Variants in FHIP1A observed in about 807,000 individuals in gnomAD.
FHIP1A encodes FHF complex subunit HOOK interacting protein 1A.
A neutral mutation model predicts 88.6 loss-of-function variants in FHIP1A; 61 were observed. The observed-to-expected ratio is 0.69, with a 90% CI of 0.56 to 0.85. The LOEUF (loss-of-function observed/expected upper bound fraction) is 0.85, where lower values mean the gene tolerates loss of function less well. Ranked by LOEUF, FHIP1A falls within the 40% of genes least tolerant of loss-of-function variation. The pLI is 0.00. For synonymous variants in FHIP1A, 478 were observed against 496.0 expected (o/e 0.96, Z 0.48); for missense variants, 1,154 against 1,273.5 (o/e 0.91, Z 1.43).
chr4:151,551,315 C>A (rs1375525410), intron 3 of FHIP1A, among the ~76,000 whole-genome samples: 1 of 152,092 alleles, frequency 6.6e-6, no homozygotes, highest in Non-Finnish European at 1.5e-5. Context: ...ACTTTCTTCA[C>A]AGAATAGGAA....
At chr4:151,567,346 A>AT (rs1485286165) in intron 4 of FHIP1A, among the ~76,000 whole-genome samples, 1 of 152,042 alleles carries the variant, frequency 6.6e-6, no homozygotes, top group Non-Finnish European at 1.5e-5. Context: ...AATCACAGCA[A>AT]TTATAGGGGA....
At chr4:151,487,151 G>T (rs562470512) in intron 3 of FHIP1A, among the ~76,000 whole-genome samples, 1 of 152,100 alleles carries the variant, frequency 6.6e-6, no homozygotes, top group East Asian at 1.9e-4. Context: ...ACTTTTTATT[G>T]AGATGTATCT....
intron 2 of FHIP1A, among the ~76,000 whole-genome samples, chr4:151,472,230 A>AT (rs1729541113): frequency 6.6e-6 from 1 of 152,170 alleles, no homozygotes; most frequent in Non-Finnish European, 1.5e-5. Flanking sequence ...CTGATTTCAA[A>AT]ATAGCTTTGC....
Position 151,649,635 on chromosome 4 carries a change from C to A in FHIP1A, c.1594C>A (p.Pro532Thr), listed in dbSNP as rs190685739. The change falls in exon 11 of 14, where the codon CCT becomes ACT. Residue 532 changes from proline (P) to threonine (T), a missense_variant. Physicochemically the swap from Pro to Thr is conservative, Grantham distance 38 (BLOSUM62 -1). Transcript: ENST00000435205. ...SALYDGDSPD[P>T]EMFLQSLTEE... is the part of the protein sequence containing the mutation. ...CCTGTATGATGGCGACTCCCCCGAC[C>A]CTGAGATGTTTCTCCAGAGTCTGAC... The A allele has an allele frequency of 1.8e-4, 274 of 1,551,688 alleles. No homozygotes were observed. Among genetic ancestry groups the A allele is most frequent in the Admixed American group, 5.9e-4 (30 of 51,008 alleles).
At chr4:151,547,047 T>A (rs1004466170) in intron 3 of FHIP1A, among the ~76,000 whole-genome samples, 1 of 152,156 alleles carries the variant, frequency 6.6e-6, no homozygotes, top group African/African-American at 2.4e-5. Context: ...AGGTTGGCAA[T>A]TCTGATTAGA....
intron 6 of FHIP1A, among the ~76,000 whole-genome samples, chr4:151,587,175 C>T (rs1203670318): frequency 6.6e-6 from 1 of 152,130 alleles, no homozygotes; most frequent in Admixed American, 6.6e-5. Context: ...AAGGAGAACA[C>T]TTTATTTTGC....
At chr4:151,543,038 T>G (rs575135045) in intron 3 of FHIP1A, among the ~76,000 whole-genome samples, 1 of 152,234 alleles carries the variant, frequency 6.6e-6, no homozygotes, top group Admixed American at 6.5e-5. Flanking sequence ...TTAGCACTTA[T>G]GTATTGCTAC....
At chr4:151,631,376 T>C (rs539700998) in intron 8 of FHIP1A, among the ~76,000 whole-genome samples, 7 of 152,148 alleles carry the variant, frequency 4.6e-5, no homozygotes, top group African/African-American at 1.7e-4. Context: ...TTAGATGAAA[T>C]AGACAAATTC....
intron 3 of FHIP1A, among the ~76,000 whole-genome samples, chr4:151,487,310 CTTCTT>C (rs1730123642): frequency 6.6e-6 from 1 of 152,032 alleles, no homozygotes; most frequent in South Asian, 2.1e-4. Context: ...GAGTCTTCCT[CTTCTT>C]TTCAGTCTTT....
intron 1 of FHIP1A, among the ~76,000 whole-genome samples, chr4:151,422,377 A>AT (rs1196987061): frequency 3.4e-5 from 5 of 145,126 alleles, no homozygotes; most frequent in Admixed American, 2.8e-4. Flanking sequence ...TTGAAAAAAA[A>AT]AAATATATAT....
At chr4:151,490,406 A>G (rs570004370) in intron 3 of FHIP1A, among the ~76,000 whole-genome samples, 1 of 152,312 alleles carries the variant, frequency 6.6e-6, no homozygotes, top group African/African-American at 2.4e-5. Flanking sequence ...CAGAAAGGCA[A>G]TAACAATCAC....
chr4:151,644,166 G>A (rs1478817180), intron 9 of FHIP1A, among the ~76,000 whole-genome samples: 3 of 151,990 alleles, frequency 2.0e-5, no homozygotes, highest in South Asian at 2.1e-4. Flanking sequence ...TGTGTAATCC[G>A]AATTTCTCTA....
intron 10 of FHIP1A, 41 bp from the exon 11 acceptor site, chr4:151,649,418 C>T: frequency 1.4e-6 from 2 of 1,454,896 alleles, no homozygotes; most frequent in Admixed American, 2.1e-5. Context: ...CCTTTGTCCC[C>T]ACACCTCCCT....
chr4:151,420,950 A>G (rs899828247), intron 1 of FHIP1A, among the ~76,000 whole-genome samples: 2 of 152,242 alleles, frequency 1.3e-5, no homozygotes, highest in Non-Finnish European at 2.9e-5. Context: ...GGTTGTTACT[A>G]GAAATGAAAC....
chr4:151,652,058 GC>G (rs1737051064), intron 11 of FHIP1A, among the ~76,000 whole-genome samples: 1 of 152,110 alleles, frequency 6.6e-6, no homozygotes, highest in Non-Finnish European at 1.5e-5. Flanking sequence ...GGACATCTGG[GC>G]TATCCATAGC....
intron 8 of FHIP1A, among the ~76,000 whole-genome samples, chr4:151,630,798 C>A (rs1036300795): frequency 1.3e-5 from 2 of 152,128 alleles, no homozygotes; most frequent in Admixed American, 6.5e-5. Flanking sequence ...GGATTGAAAT[C>A]ATGCAAAGCA....
In FHIP1A at chr4:151,656,713, G is replaced by C. The variant is rs72730116; in HGVS notation, c.2731-47G>C. On this transcript the variant is annotated intron_variant, in intron 12 of 13. Coordinates refer to ENST00000435205, the MANE Select transcript of FHIP1A (RefSeq NM_001109977.3). The surrounding 1 kb of genome is among the most constrained non-coding windows in gnomAD (Gnocchi z 4.2). Reference sequence around the variant, plus strand: ...GCAAGATATATTGATAACTGGGAGTGGAATTTCATGGTGAGGCATTAACAT... The same window carrying C: ...GCAAGATATATTGATAACTGGGAGTCGAATTTCATGGTGAGGCATTAACAT... 0.01 allele frequency: 15,510 copies of C among 1,525,582 alleles called. 93 individuals carry two copies. The highest frequency in any genetic ancestry group is 0.012 in the Non-Finnish European group (14,057 of 1,131,048). 94.5% of individuals were successfully genotyped at this position (1,525,582 alleles called of 1,614,324 possible).
chr4:151,568,446 T>C (rs1246042904), intron 4 of FHIP1A, among the ~76,000 whole-genome samples: 1 of 152,244 alleles, frequency 6.6e-6, no homozygotes. Context: ...TGGAAAATGC[T>C]CTCAGTCTCT....
intron 3 of FHIP1A, among the ~76,000 whole-genome samples, chr4:151,553,497 T>C (rs1387222919): frequency 1.3e-5 from 2 of 152,204 alleles, no homozygotes; most frequent in Admixed American, 1.3e-4. Flanking sequence ...TTTAAGTGAT[T>C]AATATTTAGT....
Sources: allele counts gnomAD v4.1 joint callset (sites outside exome capture counted in the v4.1 genomes callset), GRCh38; gene constraint gnomAD v4.1.1; non-coding constraint Gnocchi (gnomAD v3.1); transcripts MANE v1.5; gene names NCBI Gene and HGNC (gene_info 2026-07-23, HGNC 2026-07-21).